Variants in DEFB110 observed in about 807,000 individuals in gnomAD.
DEFB110 encodes beta-defensin 110.
DEFB110 carries 4 observed loss-of-function variants against 2.5 expected under a neutral mutation model. The observed-to-expected ratio is 1.60, with a 90% CI of 0.79 to 3.66. The LOEUF (loss-of-function observed/expected upper bound fraction) is 3.66. Ranked by LOEUF, DEFB110 falls within the 30% of genes most tolerant of loss-of-function variation. DEFB110 has a pLI of 0.01. For synonymous variants in DEFB110, 29 were observed against 21.8 expected (o/e 1.33, Z -0.92); for missense variants, 94 against 75.4 (o/e 1.25, Z -0.91).
chr6:50,021,791 C>A, intron 1 of DEFB110, 90 bp downstream of exon 1: 2 of 1,206,590 alleles, frequency 1.7e-6, no homozygotes, highest in South Asian at 1.5e-5. Context: ...ATGTTTTAAT[C>A]CCTATGTTAT....
rs756420415 is a variant in DEFB110 at position 50,021,951 on chromosome 6, A to T, written c.-16T>A. 1 of 1,530,136 alleles carries T rather than the reference A, an allele frequency of 6.5e-7. No homozygotes were observed. The highest frequency in any genetic ancestry group is 2.5e-5 in the Admixed American group (1 of 40,800). 94.8% of individuals were successfully genotyped at this position (1,530,136 alleles called of 1,614,324 possible). ...GAATCTTCATGGTAGAGAGTTTCTT[A>T]AAAAAAGGGGGCAACAGACCTCCTT... On this transcript the variant is annotated 5_prime_UTR_variant, in exon 1 of 2. Coordinates refer to ENST00000371148, the MANE Select transcript of DEFB110 (RefSeq NM_001037497.2).
chr6:50,021,339 G>C (rs528638375), intron 1 of DEFB110, among the ~76,000 whole-genome samples: 1 of 152,224 alleles, frequency 6.6e-6, no homozygotes, highest in South Asian at 2.1e-4. Context: ...GTCTCTAGAC[G>C]TTGCCTGATG....
Position 50,019,269 on chromosome 6 carries a change from C to T in DEFB110, c.56-144G>A, listed in dbSNP as rs1049357804. 8.5e-6 allele frequency: 7 copies of T among 818,824 alleles called. No individual in the cohort carries two copies. In the African/African-American group the frequency reaches 1.2e-4, roughly 14 times the overall value. The allele number at this position is 818,824 out of a possible 1,614,324, so 50.7% of individuals were successfully genotyped here. On this transcript the variant is annotated intron_variant, in intron 1 of 1. Transcript: ENST00000371148. Reference sequence around the variant, plus strand: ...GGAAAGTTTAAGTGAATTTACTGTCCCTTGGTACAAGCTACATTCTAGAAA... The same window carrying T: ...GGAAAGTTTAAGTGAATTTACTGTCTCTTGGTACAAGCTACATTCTAGAAA...
intron 1 of DEFB110, among the ~76,000 whole-genome samples, chr6:50,009,533 TAAC>T (rs1441784943): frequency 1.3e-5 from 2 of 152,190 alleles, no homozygotes; most frequent in Admixed American, 6.6e-5. Context: ...CAGTCTACAG[TAAC>T]AACGAGAAAG....
intron 1 of DEFB110, among the ~76,000 whole-genome samples, chr6:50,010,720 T>A (rs1179523607): frequency 6.6e-6 from 1 of 151,720 alleles, no homozygotes; most frequent in East Asian, 1.9e-4. Context: ...TTCAGAGACA[T>A]GTTTGATATA....
At chr6:50,011,288 GATAC>G (rs1369853584) in intron 1 of DEFB110, among the ~76,000 whole-genome samples, 2 of 151,818 alleles carry the variant, frequency 1.3e-5, no homozygotes, top group Middle Eastern at 3.2e-3. Context: ...GAAACTGGGT[GATAC>G]ATACCACATA....
chr6:50,016,047 G>A (rs1273998971), downstream of DEFB110, among the ~76,000 whole-genome samples: 2 of 151,604 alleles, frequency 1.3e-5, no homozygotes, highest in African/African-American at 2.4e-5. Flanking sequence ...ATTAAGCCTG[G>A]GAAGAAGTAA....
intron 1 of DEFB110, among the ~76,000 whole-genome samples, chr6:50,012,910 T>A (rs1339862864): frequency 6.6e-6 from 1 of 151,824 alleles, no homozygotes; most frequent in Non-Finnish European, 1.5e-5. Context: ...TGCATCACTT[T>A]TAAAGGCAAT....
chr6:50,019,292 A>G (rs1415417197), intron 1 of DEFB110, among the ~76,000 whole-genome samples, 167 bp from the exon 2 acceptor site: 2 of 152,072 alleles, frequency 1.3e-5, no homozygotes, highest in African/African-American at 2.4e-5. Context: ...TACATTCTAG[A>G]AATAAAAAGG....
chr6:50,014,985 A>G (rs1376596703), downstream of DEFB110, among the ~76,000 whole-genome samples: 1 of 151,842 alleles, frequency 6.6e-6, no homozygotes, highest in Non-Finnish European at 1.5e-5. Flanking sequence ...AATCTATTTG[A>G]TATGACAAAC....
At chr6:50,009,274 G>A (rs754375560) in intron 1 of DEFB110, 3 of 1,588,514 alleles carry the variant, frequency 1.9e-6, no homozygotes, top group Non-Finnish European at 2.6e-6. Context: ...GCTTCTGGCT[G>A]CAATCAAGAA....
rs572649687 is a variant in DEFB110, at chr6:50,019,232, C to A, written c.56-107G>T. The stretch of plus-strand genomic sequence containing the variant: ...AAAGATTATAGAGTGAAAATGTCCA[C>A]CTACCTATGGAGGAAAGTTTAAGTG... On this transcript the variant is annotated intron_variant, in intron 1 of 1. Coordinates refer to ENST00000371148, the MANE Select transcript of DEFB110 (RefSeq NM_001037497.2). 42 of 1,193,764 alleles carry A rather than the reference C, an allele frequency of 3.5e-5. No individual in the cohort carries two copies. In the East Asian group the frequency reaches 9.6e-4, roughly 27 times the overall value. The allele number at this position is 1,193,764 out of a possible 1,614,324, so 73.9% of individuals were successfully genotyped here.
At chr6:50,009,663 T>G (rs887567870) in intron 1 of DEFB110, among the ~76,000 whole-genome samples, 11 of 152,162 alleles carry the variant, frequency 7.2e-5, no homozygotes, top group Middle Eastern at 3.2e-3. Context: ...TTTTGATTCT[T>G]TATCTCTTTC....
downstream of DEFB110, among the ~76,000 whole-genome samples, chr6:50,017,994 A>T (rs928298501): frequency 6.6e-6 from 1 of 151,824 alleles, no homozygotes; most frequent in East Asian, 1.9e-4. Context: ...TTTTATTATG[A>T]TGTTGTGGTA....
chr6:50,021,014 T>G (rs959082821), intron 1 of DEFB110, among the ~76,000 whole-genome samples: 13 of 152,154 alleles, frequency 8.5e-5, no homozygotes, highest in African/African-American at 3.1e-4. Context: ...TTATTTCACC[T>G]TTCTAAAACA....
Position 50,019,050 on chromosome 6 carries a change from T to G in DEFB110, c.131A>C (p.Asn44Thr). The G allele has an allele frequency of 6.2e-7, 1 of 1,613,232 alleles. No homozygotes were observed. Among genetic ancestry groups the G allele is most frequent in the South Asian group, 1.1e-5 (1 of 91,038 alleles). Reference protein sequence around the residue: ...ECRIGNGQCKNQCHENEIRIA... With the variant: ...ECRIGNGQCKTQCHENEIRIA... Reference sequence around the variant, plus strand: ...CCTAATTTCATTTTCATGACACTGATTTTTACATTGACCATTACCTATTCT... The same window carrying G: ...CCTAATTTCATTTTCATGACACTGAGTTTTACATTGACCATTACCTATTCT... Residue 44 changes from asparagine (N) to threonine (T), a missense_variant, in exon 2 of 2, where the codon AAT becomes ACT. Coordinates refer to ENST00000371148, the MANE Select transcript of DEFB110 (RefSeq NM_001037497.2).
At chr6:50,016,102 A>T (rs1367084770), downstream of DEFB110, among the ~76,000 whole-genome samples, 1 of 151,842 alleles carries the variant, frequency 6.6e-6, no homozygotes, top group Non-Finnish European at 1.5e-5. Flanking sequence ...GCTAATTGGA[A>T]TTAGATTTTG....
intron 1 of DEFB110, among the ~76,000 whole-genome samples, chr6:50,013,049 T>C (rs1261466022): frequency 1.3e-5 from 2 of 151,928 alleles, no homozygotes; most frequent in African/African-American, 4.8e-5. Flanking sequence ...CTATGTTTTA[T>C]TAAGTGTTCA....
downstream of DEFB110, chr6:50,018,765 G>T (rs2113941969): frequency 2.5e-6 from 3 of 1,219,612 alleles, no homozygotes; most frequent in East Asian, 3.4e-5. Context: ...AATAAGTCCT[G>T]CTACTTCTGG....
Sources: gnomAD v4.1 joint callset for allele counts (sites outside exome capture counted in the v4.1 genomes callset) on GRCh38, gnomAD v4.1.1 for gene constraint, MANE v1.5 for transcripts, NCBI Gene and HGNC (gene_info 2026-07-23, HGNC 2026-07-21) for gene names.